XPO4: variants seen among roughly 807,000 people sequenced by gnomAD.
The protein encoded by XPO4 is exportin 4, also known as exportin-4.
XPO4 carries 39 observed loss-of-function variants against 143.0 expected under a neutral mutation model. That is an observed-to-expected ratio of 0.27 (90% CI 0.21 to 0.36). The LOEUF (loss-of-function observed/expected upper bound fraction) is 0.36, where lower values mean the gene tolerates loss of function less well. XPO4 is among the 10% of genes least tolerant of loss of function. The pLI is 1.00. For synonymous variants in XPO4, 439 were observed against 474.0 expected, an observed-to-expected ratio of 0.93 and a Z score of 0.96; for missense variants, 907 against 1,348.0, an observed-to-expected ratio of 0.67 and a Z score of 5.12.
rs1291143114 is a variant in XPO4, at chr13:20,849,524, A to C, written c.457-5638T>G. On this transcript the variant is annotated intron_variant, in intron 4 of 22. Transcript: ENST00000255305. ...CTTTCCTAGGAAGGCAAGTTTCCATATCCCTCCCAAATTAGTACTGACAGC... is the reference window on the plus strand; with the variant it reads ...CTTTCCTAGGAAGGCAAGTTTCCATCTCCCTCCCAAATTAGTACTGACAGC... 9 of 985,308 alleles carry C rather than the reference A, an allele frequency of 9.1e-6. No individual in the cohort carries two copies. The South Asian group carries it at 4.2e-4, about 46-fold the overall frequency. The allele number at this position is 985,308 out of a possible 1,614,324, so 61.0% of individuals were successfully genotyped here.
chr13:20,851,879 C>T (rs2060093493), intron 4 of XPO4: 1 of 985,272 alleles, frequency 1.0e-6, no homozygotes, highest in Non-Finnish European at 1.2e-6. Flanking sequence ...ATATCTGTTC[C>T]AATCATTCTC....
chr13:20,855,395 C>T (rs541759812), intron 4 of XPO4, among the ~76,000 whole-genome samples: 25 of 148,506 alleles, frequency 1.7e-4, no homozygotes, highest in Non-Finnish European at 2.4e-4. Flanking sequence ...GCAGAGGTTG[C>T]GGTGAGCCAA....
At chr13:20,888,315 T>C (rs1442096424) in intron 1 of XPO4, among the ~76,000 whole-genome samples, 1 of 152,114 alleles carries the variant, frequency 6.6e-6, no homozygotes, top group African/African-American at 2.4e-5. Flanking sequence ...GTATATGGCA[T>C]GATCTTTTGA....
At chr13:20,879,056 G>C (rs2060381149) in intron 1 of XPO4, 1 of 956,922 alleles carries the variant, frequency 1.0e-6, no homozygotes, top group Non-Finnish European at 1.2e-6. Flanking sequence ...TAAAACAGAA[G>C]CGAACGCAGG....
At position 20,868,631 on chromosome 13, in the gene XPO4, G is replaced by T; in HGVS notation, c.140C>A (p.Ser47Ter). The T allele has an allele frequency of 6.2e-7, 1 of 1,612,806 alleles. No individual in the cohort carries two copies. The highest frequency in any genetic ancestry group is 1.1e-5 in the South Asian group (1 of 90,898). ...CTTGCAAACTGCAAATGGTGATTTT[G>T]ATTTCCTAAATGATAAGAATATGTG... ...AEHIFLSFRK[S>*]KSPFAVCKHI... Residue 47 changes from serine (S) to a stop codon, truncating the protein, a stop_gained, in exon 2 of 23, where the codon TCA becomes TAA. Transcript: ENST00000255305. LOFTEE classifies it high-confidence loss of function.
chr13:20,847,450 G>A (rs2060039181), intron 4 of XPO4, among the ~76,000 whole-genome samples: 1 of 152,152 alleles, frequency 6.6e-6, no homozygotes, highest in African/African-American at 2.4e-5. Flanking sequence ...TCCCAGGAAA[G>A]AGAGAGGAAA....
At chr13:20,885,018 C>A (rs2138167101) in intron 1 of XPO4, among the ~76,000 whole-genome samples, 1 of 152,180 alleles carries the variant, frequency 6.6e-6, no homozygotes, top group South Asian at 2.1e-4. Flanking sequence ...GGCTGGAATG[C>A]AATGGTGCAA....
intron 4 of XPO4, among the ~76,000 whole-genome samples, chr13:20,854,659 T>C (rs1463183697): frequency 2.0e-5 from 3 of 152,178 alleles, no homozygotes; most frequent in Admixed American, 6.5e-5. Context: ...ATTCAGGTGA[T>C]AAAAGTTGAT....
At chr13:20,900,742 G>A (rs2060613077) in intron 1 of XPO4, among the ~76,000 whole-genome samples, 1 of 151,680 alleles carries the variant, frequency 6.6e-6, no homozygotes, top group Non-Finnish European at 1.5e-5. Context: ...CTCCAGAGTA[G>A]CTGAGATTAA....
In XPO4 at chr13:20,809,112, A is replaced by C; in HGVS notation, c.1464T>G (p.Ala488=). ...TCAGAAGAGGTATACAGTGTTCTGCAGCAATTCTTCCTAGCATTCCTACAC... is the reference window on the plus strand; with the variant it reads ...TCAGAAGAGGTATACAGTGTTCTGCCGCAATTCTTCCTAGCATTCCTACAC... ...LASVGMLGRI[A]AEHCIPLLTS... Residue 488 remains alanine, a synonymous_variant, in exon 11 of 23, where the codon GCT becomes GCG. Transcript: ENST00000255305. 1 of 1,614,016 alleles carries C rather than the reference A, an allele frequency of 6.2e-7. No homozygotes were observed. Among genetic ancestry groups the C allele is most frequent in the Non-Finnish European group, 8.5e-7 (1 of 1,179,910 alleles).
Position 20,827,169 on chromosome 13 carries a change from A to C in XPO4, c.738T>G (p.His246Gln). 6.2e-7 allele frequency: 1 copy of C among 1,612,470 alleles called. No individual in the cohort carries two copies. Among genetic ancestry groups the C allele is most frequent in the Non-Finnish European group, 8.5e-7 (1 of 1,178,586 alleles). Residue 246 changes from histidine to glutamine, a missense_variant, in exon 7 of 23, where the codon CAT (histidine) becomes CAG (glutamine). Transcript: ENST00000255305. ...WNFLPPNLGR[H>Q]YIAMFESSQN... is the part of the protein sequence containing the mutation. ...GCGAGGATTCAAACATAGCTATATA[A>C]TGTCTGCCCAGTTATTTGGTGTCAA...
At chr13:20,821,292 T>C (rs1278047143) in intron 9 of XPO4, among the ~76,000 whole-genome samples, 1 of 142,452 alleles carries the variant, frequency 7.0e-6, no homozygotes, top group Non-Finnish European at 1.5e-5. Context: ...GCCAAATAAG[T>C]CCAACGTAAA....
At position 20,779,620 on chromosome 13, in the gene XPO4, G is replaced by A. The variant is rs1185722345; in HGVS notation, c.*4102C>T. ...AAGCCACACCTCCCAGTTCCTAGGAGGGAATCGCCACGGCCGACTTCAGCA... is the reference window on the plus strand; with the variant it reads ...AAGCCACACCTCCCAGTTCCTAGGAAGGAATCGCCACGGCCGACTTCAGCA... On this transcript the variant is annotated 3_prime_UTR_variant, in exon 23 of 23. Coordinates refer to ENST00000255305, the MANE Select transcript of XPO4 (RefSeq NM_022459.5). The A allele has an allele frequency of 6.6e-6, 1 of 152,588 alleles. No homozygotes were observed. Among genetic ancestry groups the A allele is most frequent in the Admixed American group, 6.5e-5 (1 of 15,282 alleles). The allele number at this position is 152,588 out of a possible 1,614,324, so 9.5% of individuals were successfully genotyped here.
intron 2 of XPO4, chr13:20,866,031 T>C: frequency 1.0e-6 from 1 of 985,288 alleles, no homozygotes; most frequent in Middle Eastern, 5.2e-4. Context: ...AGTAAAAGAA[T>C]GCCACAAAGT....
At chr13:20,900,734 C>G (rs945903926) in intron 1 of XPO4, among the ~76,000 whole-genome samples, 34 of 151,748 alleles carry the variant, frequency 2.2e-4, no homozygotes, top group Non-Finnish European at 4.7e-4. Flanking sequence ...GTCTTCGCCT[C>G]CAGAGTAGCT....
chr13:20,857,564 A>G (rs1421217734), intron 3 of XPO4, among the ~76,000 whole-genome samples: 32 of 142,682 alleles, frequency 2.2e-4, no homozygotes, highest in Non-Finnish European at 1.5e-5. Flanking sequence ...CGTCTCTACT[A>G]AAAAAAAAAA....
In XPO4 at chr13:20,807,491, T is replaced by A; in HGVS notation, c.1783A>T (p.Ile595Phe). ...LGSPGEKASS[I>F]PGYNRTDSVI... ...GAATCTGTTCTGTTGTACCCTGGGA[T>A]GGAAGAAGCCTTTTCTCCTGGAGAT... Residue 595 changes from isoleucine to phenylalanine, a missense_variant, in exon 13 of 23, where the codon ATC (isoleucine) becomes TTC (phenylalanine). Ile to Phe is a conservative substitution (Grantham distance 21). Coordinates refer to ENST00000255305, the MANE Select transcript of XPO4 (RefSeq NM_022459.5). The A allele has an allele frequency of 6.2e-7, 1 of 1,613,792 alleles. No homozygotes were observed. The highest frequency in any genetic ancestry group is 1.1e-5 in the South Asian group (1 of 91,010).
intron 1 of XPO4, among the ~76,000 whole-genome samples, chr13:20,872,622 C>T (rs2060310189): frequency 6.6e-6 from 1 of 152,124 alleles, no homozygotes; most frequent in Non-Finnish European, 1.5e-5. Context: ...CTCACTAATC[C>T]TAACAACTCT....
intron 4 of XPO4, chr13:20,849,713 T>A: frequency 1.0e-6 from 1 of 984,508 alleles, no homozygotes; most frequent in Non-Finnish European, 1.2e-6. Flanking sequence ...TTAGATATAA[T>A]CTTTCCATAA....
Sources: gnomAD v4.1 joint callset for allele counts (sites outside exome capture counted in the v4.1 genomes callset) on GRCh38, gnomAD v4.1.1 for gene constraint, MANE v1.5 for transcripts, NCBI Gene and HGNC (gene_info 2026-07-23, HGNC 2026-07-21) for gene names.